The following WDR43 variants were observed in gnomAD, a reference collection of about 807,000 sequenced individuals.
WDR43 encodes WD repeat domain 43.
Under a neutral mutation model 91.4 loss-of-function variants are expected in WDR43, and 13 were observed. The observed-to-expected ratio is 0.14, with a 90% CI of 0.09 to 0.23. The LOEUF is 0.23. Ranked by LOEUF, WDR43 falls within the 10% of genes least tolerant of loss-of-function variation. The pLI, the probability that WDR43 is intolerant of heterozygous loss-of-function variation, is 1.00. For synonymous variants in WDR43, 331 were observed against 287.9 expected (o/e 1.15, Z -1.51); for missense variants, 780 against 809.4 (o/e 0.96, Z 0.44).
At chr2:28,920,045 G>T (rs1670992120) in intron 6 of WDR43, among the ~76,000 whole-genome samples, 1 of 151,690 alleles carries the variant, frequency 6.6e-6, no homozygotes, top group Non-Finnish European at 1.5e-5. Flanking sequence ...TGCCATGTTG[G>T]CCAGCCTGGT....
intron 17 of WDR43, 39 bp downstream of exon 17, chr2:28,946,538 A>G: frequency 6.3e-7 from 1 of 1,598,540 alleles, no homozygotes. Context: ...CGGCCTTTAT[A>G]TCCTCATACT....
Position 28,895,061 on chromosome 2 carries a change from G to A in WDR43, c.225+138G>A, listed in dbSNP as rs556662407. 185 of 871,940 alleles carry A rather than the reference G, an allele frequency of 2.1e-4. 1 individual carries two copies. In the African/African-American group the frequency reaches 3.2e-3, roughly 15 times the overall value. The allele number at this position is 871,940 out of a possible 1,614,324, so 54.0% of individuals were successfully genotyped here. ...GAAGGCTTGGAGGCGGCGTCGGCGC[G>A]TTCAGGGCCCAAGCCGCCAGCCCCG... is the stretch of plus-strand genomic sequence containing the variant. On this transcript the variant is annotated intron_variant, in intron 1 of 17. Coordinates refer to ENST00000407426, the MANE Select transcript of WDR43 (RefSeq NM_015131.3).
At chr2:28,896,756 C>G (rs1276568344) in intron 1 of WDR43, among the ~76,000 whole-genome samples, 3 of 152,144 alleles carry the variant, frequency 2.0e-5, no homozygotes, top group South Asian at 4.1e-4. Context: ...CTATGGTAAA[C>G]TAGAAAAATA....
Position 28,895,039 on chromosome 2 carries a change from G to A in WDR43, c.225+116G>A, listed in dbSNP as rs1012835731. On this transcript the variant is annotated intron_variant, in intron 1 of 17. Coordinates refer to ENST00000407426, the MANE Select transcript of WDR43 (RefSeq NM_015131.3). ...TGGCTCTCAGCGGCCCGGGCCAGAA[G>A]GCTTGGAGGCGGCGTCGGCGCGTTC... The A allele has an allele frequency of 1.1e-4, 119 of 1,097,070 alleles. No individual in the cohort carries two copies. The East Asian group carries it at 3.9e-3, about 36-fold the overall frequency. 68.0% of individuals were successfully genotyped at this position (1,097,070 alleles called of 1,614,324 possible). A position where few individuals can be genotyped will look rare whatever the true frequency, so the allele number is the denominator to read the frequency against.
rs552241625 is a variant in WDR43, at chr2:28,922,149, C to T, written c.850-770C>T. Among the ~76,000 whole-genome samples the T allele has an allele frequency of 9.8e-5, 15 of 152,316 alleles. No individual in the cohort carries two copies. In the South Asian group the frequency reaches 3.1e-3, roughly 32 times the overall value. ...ACATTTTCAAAGTTGTTTTTCACAA[C>T]AAAAGTTAGTCTCTTTTTTCTAGTT... On this transcript the variant is annotated intron_variant, in intron 6 of 17. Transcript: ENST00000407426.
At chr2:28,932,675 G>A (rs1021451283) in intron 11 of WDR43, among the ~76,000 whole-genome samples, 54 of 152,166 alleles carry the variant, frequency 3.5e-4, no homozygotes, top group African/African-American at 1.3e-3. Context: ...TGTGAGCAGT[G>A]ACAGGGATAC....
At chr2:28,908,536 G>C (rs1182887883) in intron 3 of WDR43, among the ~76,000 whole-genome samples, 1 of 152,118 alleles carries the variant, frequency 6.6e-6, no homozygotes, top group African/African-American at 2.4e-5. Flanking sequence ...TTCACATAGG[G>C]ACTAGTAATG....
At chr2:28,926,837 T>C (rs1671151672) in intron 9 of WDR43, among the ~76,000 whole-genome samples, 1 of 152,172 alleles carries the variant, frequency 6.6e-6, no homozygotes, top group Non-Finnish European at 1.5e-5. Flanking sequence ...GGGATAAATA[T>C]CAATATCAGA....
chr2:28,901,923 G>A, intron 1 of WDR43, 64 bp from the exon 2 acceptor site: 1 of 1,460,126 alleles, frequency 6.8e-7, no homozygotes, highest in Non-Finnish European at 9.1e-7. Flanking sequence ...ATTTGTATTT[G>A]TTCATTAACG....
intron 1 of WDR43, among the ~76,000 whole-genome samples, chr2:28,896,077 T>G (rs75133503): frequency 0.026 from 3,958 of 152,268 alleles, 201 homozygotes; most frequent in African/African-American, 0.091. Context: ...TCAGGGCTTA[T>G]AAGTCAAACA....
chr2:28,925,207 A>C, intron 8 of WDR43, 54 bp downstream of exon 8: 1 of 1,432,914 alleles, frequency 7.0e-7, no homozygotes, highest in Non-Finnish European at 9.2e-7. Flanking sequence ...TGTCCATGGA[A>C]GAGAGTGATT....
intron 1 of WDR43, among the ~76,000 whole-genome samples, chr2:28,896,427 T>G (rs1362876516): frequency 6.6e-6 from 1 of 152,176 alleles, no homozygotes; most frequent in African/African-American, 2.4e-5. Context: ...GGTAAGTGCT[T>G]TAAGTGTTAA....
At chr2:28,902,272 G>A in intron 2 of WDR43, 148 bp downstream of exon 2, 1 of 788,630 alleles carries the variant, frequency 1.3e-6, no homozygotes, top group East Asian at 2.9e-5. Flanking sequence ...TAACTGAATA[G>A]TAATATTTGA....
intron 4 of WDR43, 56 bp from the exon 5 acceptor site, chr2:28,914,013 T>A (rs1034318574): frequency 6.3e-7 from 1 of 1,598,398 alleles, no homozygotes; most frequent in African/African-American, 1.3e-5. Flanking sequence ...TATATACTAT[T>A]AATTTTTGTC....
Position 28,912,647 on chromosome 2 carries a change from G to C in WDR43, c.543G>C (p.Lys181Asn), listed in dbSNP as rs1207102366. The change falls in exon 4 of 18, where the codon AAG becomes AAC. Residue 181 changes from lysine (K) to asparagine (N), a missense_variant. This residue lies in a region of WDR43 where 174 missense variants were observed against 207.3 expected (regional missense o/e 0.84). Transcript: ENST00000407426. ...CCCTATGTATCAGCCCAGATGGAAA[G>C]ATGTTGCTTTCAGCTGGTCGAACAA... ...VSSLCISPDG[K>N]MLLSAGRTIK... is the part of the protein sequence containing the mutation. 1 of 1,613,992 alleles carries C rather than the reference G, an allele frequency of 6.2e-7. No individual in the cohort carries two copies. Among genetic ancestry groups the C allele is most frequent in the African/African-American group, 1.3e-5 (1 of 75,034 alleles).
At chr2:28,896,209 T>C (rs1670477927) in intron 1 of WDR43, among the ~76,000 whole-genome samples, 1 of 152,214 alleles carries the variant, frequency 6.6e-6, no homozygotes, top group Admixed American at 6.5e-5. Flanking sequence ...ATACTAATGC[T>C]GAGAGAAATA....
intron 14 of WDR43, among the ~76,000 whole-genome samples, chr2:28,938,642 A>G (rs1671379615): frequency 1.3e-5 from 2 of 152,084 alleles, no homozygotes; most frequent in African/African-American, 2.4e-5. Flanking sequence ...AAAATCCTGA[A>G]TTGTTCTTTA....
chr2:28,932,687 A>G (rs1671271122), intron 11 of WDR43, among the ~76,000 whole-genome samples: 1 of 152,210 alleles, frequency 6.6e-6, no homozygotes, highest in Non-Finnish European at 1.5e-5. Context: ...CAGGGATACA[A>G]CATGGCACCT....
At chr2:28,919,250 C>T (rs769350940) in intron 6 of WDR43, among the ~76,000 whole-genome samples, 3 of 149,952 alleles carry the variant, frequency 2.0e-5, no homozygotes, top group Non-Finnish European at 3.0e-5. Context: ...AGTGAGACCC[C>T]GTCTCAGTAA....
Sources: gnomAD v4.1 joint callset for allele counts (sites outside exome capture counted in the v4.1 genomes callset) on GRCh38, gnomAD v4.1.1 for gene constraint, gnomAD v4.1.1 regional missense constraint, MANE v1.5 for transcripts, NCBI Gene and HGNC (gene_info 2026-07-23, HGNC 2026-07-21) for gene names.